FAM234B: variants seen among roughly 807,000 people sequenced by gnomAD.
FAM234B encodes the protein protein FAM234B.
FAM234B carries 33 observed loss-of-function variants against 69.3 expected under a neutral mutation model. The observed-to-expected ratio is 0.48, with a 90% confidence interval of 0.36 to 0.64. FAM234B has a LOEUF of 0.64. Among genes scored for constraint, FAM234B ranks in the 30% least tolerant of loss-of-function variants. The probability of loss-of-function intolerance (pLI) is 0.00; values close to 1 mark genes in which losing one functional copy is unlikely to be tolerated. For synonymous variants in FAM234B, 306 were observed against 306.9 expected, an observed-to-expected ratio of 1.00 and a Z score of 0.03; for missense variants, 697 against 769.7, an observed-to-expected ratio of 0.91 and a Z score of 1.12.
chr12:13,062,298 C>T (rs74930135), intron 4 of FAM234B: 15,616 of 155,458 alleles, frequency 0.1, 1,127 homozygotes, highest in East Asian at 0.19. Context: ...ACTGCTGGGC[C>T]GTGTGCTCAC....
chr12:13,051,347 G>T (rs560971113), intron 1 of FAM234B, among the ~76,000 whole-genome samples: 49 of 152,272 alleles, frequency 3.2e-4, no homozygotes, highest in African/African-American at 1.2e-3. Context: ...TTTGACAAAG[G>T]TGCTGTTTTT....
At chr12:13,075,310 C>T (rs1865147142) in intron 10 of FAM234B, among the ~76,000 whole-genome samples, 1 of 152,138 alleles carries the variant, frequency 6.6e-6, no homozygotes. Context: ...TAGATTACAT[C>T]TCCACAAAGC....
intron 3 of FAM234B, among the ~76,000 whole-genome samples, chr12:13,060,324 G>A (rs957800631): frequency 2.0e-5 from 3 of 152,194 alleles, no homozygotes; most frequent in South Asian, 2.1e-4. Context: ...TTCAGCAACT[G>A]TGTGTTGATA....
intron 1 of FAM234B, among the ~76,000 whole-genome samples, chr12:13,051,624 G>T (rs1233391389): frequency 6.6e-6 from 1 of 152,224 alleles, no homozygotes; most frequent in Non-Finnish European, 1.5e-5. Flanking sequence ...TCTCTGGTCA[G>T]ACTGTACCTG....
At chr12:13,079,089 C>G (rs1332887193) in intron 11 of FAM234B, among the ~76,000 whole-genome samples, 1 of 152,150 alleles carries the variant, frequency 6.6e-6, no homozygotes, top group Non-Finnish European at 1.5e-5. Context: ...CAAGTCAATC[C>G]TAAGCCAAAA....
At chr12:13,062,314 G>A (rs566310097) in intron 4 of FAM234B, 1 of 156,110 alleles carries the variant, frequency 6.4e-6, no homozygotes, top group African/African-American at 2.4e-5. Flanking sequence ...CTCACGTGGA[G>A]CGGAATAAAT....
chr12:13,068,263 T>C, intron 7 of FAM234B, 41 bp from the exon 8 acceptor site: 1 of 1,612,910 alleles, frequency 6.2e-7, no homozygotes, highest in South Asian at 1.1e-5. Context: ...AGAAATCTCA[T>C]CCAAGCCAGA....
At position 13,044,516 on chromosome 12, in the gene FAM234B, G is replaced by A. The variant is rs1864780232; in HGVS notation, c.37+76G>A. 1.7e-5 allele frequency: 25 copies of A among 1,490,474 alleles called. 1 individual carries two copies. In the South Asian group the frequency reaches 3.0e-4, roughly 18 times the overall value. 92.3% of individuals were successfully genotyped at this position (1,490,474 alleles called of 1,614,324 possible). ...AGGGGAGGCGAGGCTCTGGGGGCGA[G>A]GCCGGTCGGGCCCTGGCCTCAACCC... On this transcript the variant is annotated intron_variant, in intron 1 of 12. Transcript: ENST00000197268. The surrounding 1 kb of genome is among the most constrained non-coding windows in gnomAD (Gnocchi z 5.6).
intron 10 of FAM234B, among the ~76,000 whole-genome samples, chr12:13,074,359 A>G (rs1172172092): frequency 2.6e-5 from 4 of 152,244 alleles, no homozygotes; most frequent in African/African-American, 4.8e-5. Flanking sequence ...AGAAGTTTAC[A>G]TGGAAGCACA....
Position 13,049,474 on chromosome 12 carries a change from CT to C in FAM234B, c.37+5035del, listed in dbSNP as rs370794458. On this transcript the variant is annotated intron_variant, in intron 1 of 12. Transcript: ENST00000197268. ...GGATTACAGGCGTGAGCCAGCACCCCTGGTCTGAGATAAGACATTAAAAGGG... is the reference window on the plus strand; with the variant it reads ...GGATTACAGGCGTGAGCCAGCACCCCGGTCTGAGATAAGACATTAAAAGGG... 2.6e-4 allele frequency among the ~76,000 whole-genome samples: 39 copies of C among 152,348 alleles called. No homozygotes were observed. The East Asian group carries it at 5.2e-3, about 20-fold the overall frequency.
chr12:13,058,129 T>G (rs1417921602), intron 2 of FAM234B, among the ~76,000 whole-genome samples: 1 of 152,190 alleles, frequency 6.6e-6, no homozygotes, highest in Non-Finnish European at 1.5e-5. Context: ...GTTTCTGGGT[T>G]GCTGGCTTTT....
chr12:13,051,655 A>G lies in FAM234B; in HGVS notation c.38-3896A>G, dbSNP rs566638341. Among the ~76,000 whole-genome samples, 19 of 152,344 alleles carry G rather than the reference A, an allele frequency of 1.2e-4. 1 individual carries two copies. In the East Asian group the frequency reaches 3.7e-3, roughly 29 times the overall value. On this transcript the variant is annotated intron_variant, in intron 1 of 12. Coordinates refer to ENST00000197268, the MANE Select transcript of FAM234B (RefSeq NM_020853.2). ...ACCTGGGATTGTATCTAGTTCCAAGAACCATATTTTAAAAAGCACAGACAT... is the reference window on the plus strand; with the variant it reads ...ACCTGGGATTGTATCTAGTTCCAAGGACCATATTTTAAAAAGCACAGACAT...
At chr12:13,077,033 C>T (rs1203580545) in intron 11 of FAM234B, among the ~76,000 whole-genome samples, 3 of 152,124 alleles carry the variant, frequency 2.0e-5, no homozygotes, top group African/African-American at 4.8e-5. Flanking sequence ...GTAGCTCTCT[C>T]GATTTATTGG....
chr12:13,083,181 C>T lies in FAM234B; in HGVS notation c.*2551C>T, dbSNP rs777455321. 4.6e-5 allele frequency: 7 copies of T among 152,420 alleles called. No individual in the cohort carries two copies. The highest frequency in any genetic ancestry group is 2.1e-4 in the South Asian group (1 of 4,824). 9.4% of individuals were successfully genotyped at this position (152,420 alleles called of 1,614,324 possible). A position where few individuals can be genotyped will look rare whatever the true frequency, so the allele number is the denominator to read the frequency against. ...TTCTCTAATCCCATCCTGAGGTTGC[C>T]GGCAAAGCCAATATGACCACTACTG... On this transcript the variant is annotated 3_prime_UTR_variant, in exon 13 of 13. Transcript: ENST00000197268.
chr12:13,044,478 CG>C lies in FAM234B; in HGVS notation c.37+40del. On this transcript the variant is annotated intron_variant, in intron 1 of 12. Coordinates refer to ENST00000197268, the MANE Select transcript of FAM234B (RefSeq NM_020853.2). This position sits in a 1 kb window ranked among gnomAD's most constrained non-coding sequence, Gnocchi z 5.6. ...ATGCTTGCGACCACCCAGTCCCCGC[CG>C]GTGTTGGAATAAGGGGAGGCGAGGC... The C allele has an allele frequency of 1.9e-6, 3 of 1,549,306 alleles. No individual in the cohort carries two copies. Among genetic ancestry groups the C allele is most frequent in the Non-Finnish European group, 2.6e-6 (3 of 1,145,456 alleles).
At chr12:13,072,300 C>G (rs1865114560) in intron 10 of FAM234B, among the ~76,000 whole-genome samples, 1 of 152,158 alleles carries the variant, frequency 6.6e-6, no homozygotes, top group Admixed American at 6.5e-5. Context: ...TCAGATTTAC[C>G]TAAAATCTAG....
In FAM234B at chr12:13,081,791, A is replaced by G. The variant is rs1300800649; in HGVS notation, c.*1161A>G. ...AGTGCTTACTTCTCCCTTCTTCTGT[A>G]TAAATCTGCTACTTCAATTAAGTTC... On this transcript the variant is annotated 3_prime_UTR_variant, in exon 13 of 13. Coordinates refer to ENST00000197268, the MANE Select transcript of FAM234B (RefSeq NM_020853.2). The G allele has an allele frequency of 6.6e-6, 1 of 152,156 alleles. No individual in the cohort carries two copies. 9.4% of individuals were successfully genotyped at this position (152,156 alleles called of 1,614,324 possible). A position where few individuals can be genotyped will look rare whatever the true frequency, so the allele number is the denominator to read the frequency against.
chr12:13,056,723 A>G (rs1335665691), intron 2 of FAM234B, among the ~76,000 whole-genome samples: 1 of 152,190 alleles, frequency 6.6e-6, no homozygotes, highest in African/African-American at 2.4e-5. Context: ...GTTTAAAGGT[A>G]ACAAATTGTT....
chr12:13,073,814 AG>A (rs1285842776), intron 10 of FAM234B, among the ~76,000 whole-genome samples: 4 of 152,332 alleles, frequency 2.6e-5, no homozygotes, highest in Non-Finnish European at 4.4e-5. Flanking sequence ...CTCTTCAGTT[AG>A]GGCATGAACA....
Sources: allele counts gnomAD v4.1 joint callset (sites outside exome capture counted in the v4.1 genomes callset), GRCh38; gene constraint gnomAD v4.1.1; non-coding constraint Gnocchi (gnomAD v3.1); transcripts MANE v1.5; gene names NCBI Gene and HGNC (gene_info 2026-07-23, HGNC 2026-07-21).